Variants in PPP1R1C observed in about 807,000 individuals in gnomAD.
The protein encoded by PPP1R1C is protein phosphatase 1 regulatory subunit 1C.
In PPP1R1C, 15 loss-of-function variants were observed where a neutral mutation model predicts 17.4. The observed-to-expected ratio is 0.86, with a 90% CI of 0.58 to 1.33. The LOEUF is 1.33. PPP1R1C is among the 40% of genes most tolerant of loss of function. The pLI is 0.00. For synonymous variants in PPP1R1C, 35 were observed against 43.1 expected, an observed-to-expected ratio of 0.81 and a Z score of 0.73; for missense variants, 143 against 130.0, an observed-to-expected ratio of 1.10 and a Z score of -0.48.
intron 4 of PPP1R1C, among the ~76,000 whole-genome samples, chr2:182,101,124 C>G (rs1689087983): frequency 6.6e-6 from 1 of 152,144 alleles, no homozygotes; most frequent in African/African-American, 2.4e-5. Flanking sequence ...AACAAGCCTT[C>G]CTTAGAAACT....
intron 2 of PPP1R1C, among the ~76,000 whole-genome samples, chr2:181,995,017 G>A (rs1685574525): frequency 6.6e-6 from 1 of 151,892 alleles, no homozygotes; most frequent in South Asian, 2.1e-4. Flanking sequence ...CCTTTTTTTG[G>A]CACCAGCTCT....
At chr2:181,994,991 A>C (rs183785687) in intron 2 of PPP1R1C, among the ~76,000 whole-genome samples, 233 of 152,312 alleles carry the variant, frequency 1.5e-3, no homozygotes, top group African/African-American at 5.4e-3. Context: ...TGAACGATTC[A>C]AAGTCAATCC....
At chr2:182,069,074 T>G (rs1688069162) in intron 4 of PPP1R1C, among the ~76,000 whole-genome samples, 1 of 152,166 alleles carries the variant, frequency 6.6e-6, no homozygotes, top group South Asian at 2.1e-4. Flanking sequence ...CACACTACAT[T>G]CCTTTTATAA....
intron 2 of PPP1R1C, among the ~76,000 whole-genome samples, chr2:182,045,771 G>T (rs2701666): frequency 0.9 from 137,140 of 152,058 alleles, 62,358 homozygotes; most frequent in Non-Finnish European, 0.97. Context: ...AAAAATAAAT[G>T]ATTCATCCAT....
At chr2:182,040,134 G>A (rs900630331) in intron 2 of PPP1R1C, among the ~76,000 whole-genome samples, 3 of 152,068 alleles carry the variant, frequency 2.0e-5, no homozygotes, top group Non-Finnish European at 4.4e-5. Flanking sequence ...GGTGCTTTTT[G>A]ATATATTCAC....
In PPP1R1C at chr2:182,090,323, GAGAC is replaced by G. The variant is rs908614925; in HGVS notation, c.241+26536_241+26539del. Among the ~76,000 whole-genome samples the G allele has an allele frequency of 3.3e-5, 5 of 151,900 alleles. No homozygotes were observed. The East Asian group carries it at 5.8e-4, about 18-fold the overall frequency. ...TGTGTGTGTGTGTGTGTGTCAGAGA[GAGAC>G]AGAGAGCAAGAGAGAAAAACTGAGA... On this transcript the variant is annotated intron_variant, in intron 4 of 4. Coordinates refer to ENST00000682840, the MANE Select transcript of PPP1R1C (RefSeq NM_001080545.3).
At chr2:181,977,451 CT>C (rs1018707422) in intron 2 of PPP1R1C, among the ~76,000 whole-genome samples, 2 of 152,016 alleles carry the variant, frequency 1.3e-5, no homozygotes, top group African/African-American at 4.8e-5. Context: ...GAATTCTACA[CT>C]TTTTTCTTAT....
At chr2:182,013,600 TTAC>T (rs2125157426) in intron 2 of PPP1R1C, among the ~76,000 whole-genome samples, 1 of 152,266 alleles carries the variant, frequency 6.6e-6, no homozygotes, top group Non-Finnish European at 1.5e-5. Flanking sequence ...TCTGTTATTA[TTAC>T]TTTGAATAAA....
downstream of PPP1R1C, among the ~76,000 whole-genome samples, chr2:182,120,592 A>G (rs1689710755): frequency 6.6e-6 from 1 of 152,172 alleles, no homozygotes; most frequent in African/African-American, 2.4e-5. Context: ...AACCTGATTA[A>G]GGCCCTTATT....
At chr2:182,004,731 C>G (rs1324611624) in intron 2 of PPP1R1C, among the ~76,000 whole-genome samples, 2 of 152,208 alleles carry the variant, frequency 1.3e-5, no homozygotes, top group African/African-American at 2.4e-5. Context: ...GGCTCACCAG[C>G]AGGAGGGCTC....
At chr2:182,119,141 G>A (rs995728081), downstream of PPP1R1C, among the ~76,000 whole-genome samples, 3 of 151,240 alleles carry the variant, frequency 2.0e-5, no homozygotes, top group Non-Finnish European at 4.4e-5. Flanking sequence ...ACCTATGAGT[G>A]GGAACATGTG....
intron 2 of PPP1R1C, among the ~76,000 whole-genome samples, chr2:182,002,634 G>A (rs966839818): frequency 1.6e-4 from 24 of 151,840 alleles, no homozygotes; most frequent in African/African-American, 5.8e-4. Flanking sequence ...AGAAAAGAAT[G>A]GCTAAGACTA....
rs981704457 is a variant in PPP1R1C at position 182,126,281 on chromosome 2, C to T, written c.*7-2693C>T. Among the ~76,000 whole-genome samples, 15 of 151,982 alleles carry T rather than the reference C, an allele frequency of 9.9e-5. No individual in the cohort carries two copies. The South Asian group carries it at 3.1e-3, about 32-fold the overall frequency. ...ATGTTAAAGTGTCTATATACATATA[C>T]AATTTTTAATATTTGCTTTCTCTGA... On this transcript the variant is annotated intron_variant, in intron 5 of 5. Transcript: ENST00000280295.
At chr2:182,059,014 T>C (rs1377601227) in intron 2 of PPP1R1C, among the ~76,000 whole-genome samples, 2 of 152,142 alleles carry the variant, frequency 1.3e-5, no homozygotes, top group Non-Finnish European at 2.9e-5. Flanking sequence ...GTGTTTGTAG[T>C]TCACGTGTGT....
intron 2 of PPP1R1C, among the ~76,000 whole-genome samples, chr2:181,990,637 T>C (rs750659351): frequency 6.6e-6 from 1 of 152,186 alleles, no homozygotes; most frequent in African/African-American, 2.4e-5. Flanking sequence ...AACAAAGATA[T>C]AACAAGAAAA....
rs1196176 is a variant in PPP1R1C at position 182,030,949 on chromosome 2, A to G, written c.143-30493A>G. On this transcript the variant is annotated intron_variant, in intron 2 of 4. Coordinates refer to ENST00000682840, the MANE Select transcript of PPP1R1C (RefSeq NM_001080545.3). Reference sequence around the variant, plus strand: ...TTTTTAAGCCGGTCCGAAAAGCACAATATTCGGGTGGGAGTGACCCGATTT... The same window carrying G: ...TTTTTAAGCCGGTCCGAAAAGCACAGTATTCGGGTGGGAGTGACCCGATTT... 2.5e-3 allele frequency: 390 copies of G among 156,202 alleles called. 2 individuals carry two copies. Among genetic ancestry groups the G allele is most frequent in the African/African-American group, 8.9e-3 (369 of 41,594 alleles). 9.7% of individuals were successfully genotyped at this position (156,202 alleles called of 1,614,324 possible).
intron 2 of PPP1R1C, among the ~76,000 whole-genome samples, chr2:181,989,859 A>T (rs1376738195): frequency 6.6e-6 from 1 of 152,182 alleles, no homozygotes; most frequent in Non-Finnish European, 1.5e-5. Flanking sequence ...CAAAGAATTA[A>T]TCAGCTTTTG....
At chr2:182,018,921 G>C (rs1686337109) in intron 2 of PPP1R1C, among the ~76,000 whole-genome samples, 1 of 152,118 alleles carries the variant, frequency 6.6e-6, no homozygotes, top group African/African-American at 2.4e-5. Flanking sequence ...CTTAAGTATG[G>C]ATAATTGGGT....
chr2:182,068,460 C>T (rs1688051489), intron 4 of PPP1R1C, among the ~76,000 whole-genome samples: 1 of 152,166 alleles, frequency 6.6e-6, no homozygotes, highest in East Asian at 1.9e-4. Flanking sequence ...CCCAGTGAGA[C>T]TTGAAAAGTC....
Sources: allele counts gnomAD v4.1 joint callset (sites outside exome capture counted in the v4.1 genomes callset), GRCh38; gene constraint gnomAD v4.1.1; transcripts MANE v1.5; gene names NCBI Gene and HGNC (gene_info 2026-07-23, HGNC 2026-07-21).